ALK: variants seen among roughly 807,000 people sequenced by gnomAD.
ALK encodes the protein ALK tyrosine kinase receptor.
In ALK, 74 loss-of-function variants were observed where a neutral mutation model predicts 163.1. The ratio of observed to expected loss-of-function variants is 0.45; its 90% CI spans 0.38 to 0.55. ALK has a LOEUF of 0.55. ALK is among the 20% of genes least tolerant of loss of function. The pLI is 0.00. For missense variants in ALK, 2,063 were observed against 2,105.3 expected, an observed-to-expected ratio of 0.98 and a Z score of 0.39; for synonymous variants, 960 against 843.2, an observed-to-expected ratio of 1.14 and a Z score of -2.40.
At chr2:29,466,334 C>T (rs1330135199) in intron 4 of ALK, among the ~76,000 whole-genome samples, 1 of 152,096 alleles carries the variant, frequency 6.6e-6, no homozygotes, top group Non-Finnish European at 1.5e-5. Context: ...CATACACACA[C>T]ACACTAACTC....
chr2:29,350,263 A>T (rs1558688058), intron 5 of ALK, among the ~76,000 whole-genome samples: 1 of 152,336 alleles, frequency 6.6e-6, no homozygotes, highest in East Asian at 1.9e-4. Context: ...CCACAAAGAA[A>T]ATCTTGTGAA....
intron 3 of ALK, among the ~76,000 whole-genome samples, chr2:29,618,838 G>A (rs1286295496): frequency 6.6e-6 from 1 of 152,142 alleles, no homozygotes; most frequent in Non-Finnish European, 1.5e-5. Flanking sequence ...AATTAGCTGG[G>A]GGTGGTGGCG....
chr2:29,866,404 T>C (rs924052765), intron 1 of ALK, among the ~76,000 whole-genome samples: 17 of 152,208 alleles, frequency 1.1e-4, no homozygotes, highest in Non-Finnish European at 2.4e-4. Context: ...AAGAGGGAGC[T>C]GGTAGCATCT....
rs74646243 is a variant in ALK, at chr2:29,684,989, A to G, written c.952+9861T>C. 7.2e-5 allele frequency among the ~76,000 whole-genome samples: 11 copies of G among 152,352 alleles called. No homozygotes were observed. In the East Asian group the frequency reaches 2.1e-3, roughly 29 times the overall value. On this transcript the variant is annotated intron_variant, in intron 3 of 28. Transcript: ENST00000389048. Reference sequence around the variant, plus strand: ...CTCTTGGAACACTGCAATGAATGAGAAAGACTCAGCTTCCTCTCTTTGAAA... The same window carrying G: ...CTCTTGGAACACTGCAATGAATGAGGAAGACTCAGCTTCCTCTCTTTGAAA...
At chr2:29,917,834 GA>G (rs1667874592) in intron 1 of ALK, among the ~76,000 whole-genome samples, 1 of 152,218 alleles carries the variant, frequency 6.6e-6, no homozygotes, top group Admixed American at 6.5e-5. Context: ...CAATCCTGCT[GA>G]AAAATGCTTG....
intron 4 of ALK, among the ~76,000 whole-genome samples, chr2:29,519,404 C>T (rs1351543574): frequency 6.6e-6 from 1 of 152,208 alleles, no homozygotes; most frequent in African/African-American, 2.4e-5. Context: ...ATGCCTTTAA[C>T]CCACAAACAG....
chr2:29,429,054 C>T (rs1043360540), intron 4 of ALK, among the ~76,000 whole-genome samples: 27 of 151,834 alleles, frequency 1.8e-4, no homozygotes, highest in Admixed American at 1.2e-3. Flanking sequence ...ACTTGAACAC[C>T]GTATCATGAC....
At chr2:29,511,513 T>C (rs1210276907) in intron 4 of ALK, among the ~76,000 whole-genome samples, 6 of 152,230 alleles carry the variant, frequency 3.9e-5, no homozygotes, top group Admixed American at 6.5e-5. Context: ...ATAGTATAGA[T>C]AAACCACAAT....
chr2:29,782,860 C>G (rs1331412720), intron 1 of ALK, among the ~76,000 whole-genome samples: 1 of 152,192 alleles, frequency 6.6e-6, no homozygotes, highest in Non-Finnish European at 1.5e-5. Context: ...CATGTTTATG[C>G]CAGTTCCTCT....
At chr2:29,487,413 G>A (rs1424889421) in intron 4 of ALK, among the ~76,000 whole-genome samples, 2 of 152,168 alleles carry the variant, frequency 1.3e-5, no homozygotes, top group Admixed American at 6.5e-5. Flanking sequence ...AGGAGAGACT[G>A]TTTTTCCAAG....
At chr2:29,737,141 G>C (rs1679914727) in intron 1 of ALK, among the ~76,000 whole-genome samples, 1 of 152,046 alleles carries the variant, frequency 6.6e-6, no homozygotes, top group South Asian at 2.1e-4. Flanking sequence ...AATTTTAAAA[G>C]GCAGGTCATA....
chr2:29,301,190 T>A (rs1666357820), intron 8 of ALK, among the ~76,000 whole-genome samples: 1 of 152,232 alleles, frequency 6.6e-6, no homozygotes, highest in Non-Finnish European at 1.5e-5. Flanking sequence ...CTATACTTTT[T>A]ATTCTTTTGT....
At chr2:29,482,411 G>T (rs1671683976) in intron 4 of ALK, among the ~76,000 whole-genome samples, 1 of 152,196 alleles carries the variant, frequency 6.6e-6, no homozygotes, top group Non-Finnish European at 1.5e-5. Flanking sequence ...AGGTGAAGGA[G>T]AACTGAGGGG....
At chr2:29,208,335 G>C (rs1298125086) in intron 25 of ALK, among the ~76,000 whole-genome samples, 1 of 152,162 alleles carries the variant, frequency 6.6e-6, no homozygotes, top group Non-Finnish European at 1.5e-5. Flanking sequence ...AAGGACTGTA[G>C]GTAACTTAGG....
chr2:29,538,338 C>A (rs1445562275), intron 3 of ALK, among the ~76,000 whole-genome samples: 2 of 152,026 alleles, frequency 1.3e-5, no homozygotes, highest in African/African-American at 4.8e-5. Flanking sequence ...TTAATACAAC[C>A]CCCTTGGTGA....
chr2:29,328,941 G>A (rs550495060), intron 5 of ALK, among the ~76,000 whole-genome samples: 1 of 152,296 alleles, frequency 6.6e-6, no homozygotes, highest in African/African-American at 2.4e-5. Flanking sequence ...CCACTGGAGT[G>A]ACTTATTGAG....
chr2:29,261,896 C>T (rs1190605843), intron 11 of ALK, among the ~76,000 whole-genome samples: 1 of 152,120 alleles, frequency 6.6e-6, no homozygotes, highest in East Asian at 1.9e-4. Flanking sequence ...CAGTTAACTG[C>T]AGAAAATCTT....
At chr2:29,401,002 G>A (rs1390820469) in intron 4 of ALK, among the ~76,000 whole-genome samples, 4 of 151,898 alleles carry the variant, frequency 2.6e-5, no homozygotes, top group African/African-American at 9.7e-5. Flanking sequence ...GATGTTTTTG[G>A]CCCACAATTA....
At chr2:29,491,281 G>A (rs965644761) in intron 4 of ALK, among the ~76,000 whole-genome samples, 23 of 152,244 alleles carry the variant, frequency 1.5e-4, no homozygotes, top group Admixed American at 6.5e-4. Context: ...ACAGGTTTCC[G>A]TGGCTGATCC....
Sources: gnomAD v4.1 joint callset for allele counts (sites outside exome capture counted in the v4.1 genomes callset) on GRCh38, gnomAD v4.1.1 for gene constraint, MANE v1.5 for transcripts, NCBI Gene and HGNC (gene_info 2026-07-23, HGNC 2026-07-21) for gene names.